KDM4C: variants seen among roughly 807,000 people sequenced by gnomAD.
KDM4C encodes lysine demethylase 4C, also known as lysine-specific demethylase 4C.
KDM4C carries 81 observed loss-of-function variants against 129.3 expected under a neutral mutation model. The observed-to-expected ratio is 0.63, with a 90% CI of 0.52 to 0.75. The LOEUF is 0.75. KDM4C is among the 30% of genes least tolerant of loss of function. The pLI is 0.00. For missense variants in KDM4C, 1,457 were observed against 1,304.0 expected (o/e 1.12, Z -1.81); for synonymous variants, 573 against 456.1 (o/e 1.26, Z -3.26).
chr9:6,832,754 T>G, intron 4 of KDM4C, among the ~76,000 whole-genome samples: 3 of 112,712 alleles, frequency 2.7e-5, no homozygotes, highest in African/African-American at 3.5e-5. Context: ...GGAGATGGAG[T>G]TTTGCTCTTG....
At chr9:7,002,604 A>G (rs898548863) in intron 12 of KDM4C, among the ~76,000 whole-genome samples, 1 of 152,182 alleles carries the variant, frequency 6.6e-6, no homozygotes, top group Non-Finnish European at 1.5e-5. Flanking sequence ...TTTCCCAAGG[A>G]TATGCCAGCT....
intron 15 of KDM4C, among the ~76,000 whole-genome samples, chr9:7,036,373 C>T (rs912469752): frequency 6.6e-6 from 1 of 152,076 alleles, no homozygotes; most frequent in Non-Finnish European, 1.5e-5. Context: ...TTGCTCAGGA[C>T]CCTGGAAATA....
chr9:6,984,095 T>A, intron 9 of KDM4C, 71 bp from the exon 10 acceptor site: 1 of 920,016 alleles, frequency 1.1e-6, no homozygotes, highest in Non-Finnish European at 1.7e-6. Context: ...GAAAATGACA[T>A]TTATATTGGG....
intron 2 of KDM4C, among the ~76,000 whole-genome samples, chr9:6,802,867 A>G (rs1371029535): frequency 1.3e-5 from 2 of 152,240 alleles, no homozygotes; most frequent in Non-Finnish European, 2.9e-5. Flanking sequence ...TTGGCCTCCC[A>G]AAGTGCTGGG....
intron 4 of KDM4C, among the ~76,000 whole-genome samples, chr9:6,843,782 C>T (rs1440891579): frequency 6.6e-6 from 1 of 152,150 alleles, no homozygotes; most frequent in Non-Finnish European, 1.5e-5. Context: ...GCAGCAGTGA[C>T]ACAGTTTTCA....
intron 8 of KDM4C, among the ~76,000 whole-genome samples, chr9:6,926,342 A>G (rs1326869351): frequency 6.9e-5 from 1 of 14,512 alleles, no homozygotes; most frequent in African/African-American, 2.5e-4. Flanking sequence ...GATAATTTGT[A>G]AAAAAAAAAA....
chr9:6,922,601 G>A lies in KDM4C; in HGVS notation c.921+29369G>A, dbSNP rs191335288. On this transcript the variant is annotated intron_variant, in intron 8 of 21. Coordinates refer to ENST00000381309, the MANE Select transcript of KDM4C (RefSeq NM_015061.6). ...ATCTCTACCAAAAATACAAAAATTA[G>A]TTGAATGTGGTGGCCCGTGCCTGTA... Among the ~76,000 whole-genome samples, 265 of 152,338 alleles carry A rather than the reference G, an allele frequency of 1.7e-3. 1 individual carries two copies. The highest frequency in any genetic ancestry group is 0.01 in the Middle Eastern group (3 of 294).
chr9:6,834,960 A>G (rs1268819847), intron 4 of KDM4C: 3 of 1,020,170 alleles, frequency 2.9e-6, no homozygotes, highest in East Asian at 2.4e-5. Flanking sequence ...TGCGAGGGAT[A>G]TGCCCTCCCC....
chr9:6,835,035 G>A (rs1835624131), intron 4 of KDM4C: 1 of 941,462 alleles, frequency 1.1e-6, no homozygotes, highest in South Asian at 1.3e-5. Context: ...TCCTTACCGA[G>A]CGTGGCTACA....
chr9:7,011,900 A>T (rs563703947), intron 13 of KDM4C, 21 bp downstream of exon 13: 16 of 1,599,424 alleles, frequency 1.0e-5, no homozygotes, highest in Admixed American at 3.3e-5. Flanking sequence ...CTGCTATCAT[A>T]GTTCCCTTCA....
intron 12 of KDM4C, among the ~76,000 whole-genome samples, chr9:7,005,604 G>A (rs1821524330): frequency 6.6e-6 from 1 of 152,114 alleles, no homozygotes; most frequent in South Asian, 2.1e-4. Context: ...AAGAGGGTTT[G>A]TGGCTATTAT....
At chr9:7,146,507 T>G (rs981408573) in intron 19 of KDM4C, among the ~76,000 whole-genome samples, 5 of 152,252 alleles carry the variant, frequency 3.3e-5, no homozygotes, top group African/African-American at 1.2e-4. Flanking sequence ...ACCATATAGT[T>G]GCCAATAATC....
chr9:7,111,179 T>C (rs1838280334), intron 18 of KDM4C, among the ~76,000 whole-genome samples: 1 of 152,216 alleles, frequency 6.6e-6, no homozygotes, highest in African/African-American at 2.4e-5. Flanking sequence ...AGCTGCGTTC[T>C]AAAGGCTTTT....
chr9:6,894,408 T>C (rs1469050876), intron 8 of KDM4C, among the ~76,000 whole-genome samples: 1 of 152,208 alleles, frequency 6.6e-6, no homozygotes, highest in Admixed American at 6.5e-5. Context: ...AAGAACTCAG[T>C]GTGTGTACTT....
At chr9:6,922,394 G>C (rs1369786359) in intron 8 of KDM4C, among the ~76,000 whole-genome samples, 1 of 151,976 alleles carries the variant, frequency 6.6e-6, no homozygotes, top group Non-Finnish European at 1.5e-5. Flanking sequence ...TACATTTACT[G>C]TTTTTTTCCC....
At chr9:6,810,897 A>G (rs1320418306) in intron 3 of KDM4C, among the ~76,000 whole-genome samples, 1 of 151,872 alleles carries the variant, frequency 6.6e-6, no homozygotes, top group Non-Finnish European at 1.5e-5. Flanking sequence ...ATAAATAAAT[A>G]AAGTTAATTG....
chr9:6,928,649 C>G (rs1293574120), intron 8 of KDM4C, among the ~76,000 whole-genome samples: 1 of 151,534 alleles, frequency 6.6e-6, no homozygotes, highest in Non-Finnish European at 1.5e-5. Context: ...CGGATGAAAG[C>G]TGTGGTCTTT....
intron 15 of KDM4C, among the ~76,000 whole-genome samples, chr9:7,031,553 A>T (rs1826774587): frequency 6.6e-6 from 1 of 152,162 alleles, no homozygotes; most frequent in Admixed American, 6.5e-5. Context: ...CTTACAAAGA[A>T]TGGAATATAC....
chr9:6,836,227 G>A (rs1371084647), intron 4 of KDM4C, among the ~76,000 whole-genome samples: 1 of 152,048 alleles, frequency 6.6e-6, no homozygotes, highest in Admixed American at 6.6e-5. Flanking sequence ...TGAGGCGGGC[G>A]GATCACCTGA....
Sources: gnomAD v4.1 joint callset for allele counts (sites outside exome capture counted in the v4.1 genomes callset) on GRCh38, gnomAD v4.1.1 for gene constraint, MANE v1.5 for transcripts, NCBI Gene and HGNC (gene_info 2026-07-23, HGNC 2026-07-21) for gene names.